SCAND3: variants seen among roughly 807,000 people sequenced by gnomAD.
SCAND3 encodes the protein SCAN domain containing 3, also known as SCAN domain-containing protein 3.
chr6:28,597,926 T>C, the SCAND3 span: 1 of 152,212 alleles, frequency 6.6e-6, no homozygotes, highest in African/African-American at 2.4e-5. Flanking sequence ...GACGCTTTCA[T>C]TTCTCTCTAG....
chr6:28,576,134 A>G, the SCAND3 span: 63 of 1,559,070 alleles, frequency 4.0e-5, no homozygotes, highest in African/African-American at 8.3e-4. Flanking sequence ...CACAAAAATG[A>G]CCCTAAAAAC....
chr6:28,575,864 C>T, the SCAND3 span: 5 of 1,613,940 alleles, frequency 3.1e-6, no homozygotes, highest in Admixed American at 8.3e-5. The surrounding 1 kb of genome is among the most constrained non-coding windows in gnomAD (Gnocchi z 4.2). Context: ...TTTCCTTGTA[C>T]AAGGATAACA....
chr6:28,603,310 T>G, the SCAND3 span, among the ~76,000 whole-genome samples: 4 of 152,228 alleles, frequency 2.6e-5, no homozygotes, highest in Non-Finnish European at 5.9e-5. Flanking sequence ...TAAAGTTTAC[T>G]TTGATGGGTA....
the SCAND3 span, among the ~76,000 whole-genome samples, chr6:28,608,353 CT>C: frequency 6.6e-6 from 1 of 152,154 alleles, no homozygotes; most frequent in Non-Finnish European, 1.5e-5. Flanking sequence ...AACTGACCCC[CT>C]GGCTCCCCAC....
chr6:28,612,902 T>A, the SCAND3 span, among the ~76,000 whole-genome samples: 1 of 152,166 alleles, frequency 6.6e-6, no homozygotes, highest in African/African-American at 2.4e-5. Context: ...GATGTTATCA[T>A]TTCACTTCCA....
the SCAND3 span, chr6:28,575,981 T>C: frequency 6.2e-7 from 1 of 1,613,780 alleles, no homozygotes; most frequent in Non-Finnish European, 8.5e-7. The surrounding 1 kb of genome is among the most constrained non-coding windows in gnomAD (Gnocchi z 4.2). Flanking sequence ...GAAAATATCT[T>C]AGTATTATTA....
At chr6:28,606,947 A>G in the SCAND3 span, among the ~76,000 whole-genome samples, 1 of 152,178 alleles carries the variant, frequency 6.6e-6, no homozygotes, top group Non-Finnish European at 1.5e-5. Context: ...AAGCTGGAAA[A>G]AGCGAGAGAC....
At chr6:28,610,969 C>T in the SCAND3 span, among the ~76,000 whole-genome samples, 1 of 152,110 alleles carries the variant, frequency 6.6e-6, no homozygotes, top group African/African-American at 2.4e-5. Flanking sequence ...ACTGAATACA[C>T]TAAGTATAAT....
At chr6:28,573,833 A>G in the SCAND3 span, 4 of 1,515,686 alleles carry the variant, frequency 2.6e-6, no homozygotes, top group African/African-American at 1.4e-5. Flanking sequence ...GCCATCTGAA[A>G]TTAGGAATAA....
chr6:28,598,639 G>A, the SCAND3 span, among the ~76,000 whole-genome samples: 1 of 151,544 alleles, frequency 6.6e-6, no homozygotes, highest in Non-Finnish European at 1.5e-5. Flanking sequence ...GAGGTCAGGA[G>A]TTCGAGACCA....
chr6:28,607,186 T>G, the SCAND3 span, among the ~76,000 whole-genome samples: 1 of 152,036 alleles, frequency 6.6e-6, no homozygotes, highest in African/African-American at 2.4e-5. Flanking sequence ...GAGCGCGTGC[T>G]TAGCATGTAC....
At chr6:28,588,711 A>G in the SCAND3 span, among the ~76,000 whole-genome samples, 1 of 152,220 alleles carries the variant, frequency 6.6e-6, no homozygotes, top group Non-Finnish European at 1.5e-5. This position sits in a 1 kb window ranked among gnomAD's most constrained non-coding sequence, Gnocchi z 4.1. Flanking sequence ...TCACCAAGTT[A>G]CTGGGCTTTT....
chr6:28,596,486 A>G, the SCAND3 span, among the ~76,000 whole-genome samples: 2 of 152,164 alleles, frequency 1.3e-5, no homozygotes, highest in Non-Finnish European at 2.9e-5. Flanking sequence ...AACAGTGGTT[A>G]TCAGTAAAGA....
At chr6:28,589,729 G>A in the SCAND3 span, 1 of 152,096 alleles carries the variant, frequency 6.6e-6, no homozygotes, top group Non-Finnish European at 1.5e-5. Flanking sequence ...CAATTCCTGT[G>A]ATGGAGACAA....
chr6:28,608,601 A>G, the SCAND3 span, among the ~76,000 whole-genome samples: 1 of 152,248 alleles, frequency 6.6e-6, no homozygotes, highest in Non-Finnish European at 1.5e-5. Flanking sequence ...GATTAAATAC[A>G]TAATATGAGA....
At chr6:28,592,130 C>T in the SCAND3 span, among the ~76,000 whole-genome samples, 1 of 152,112 alleles carries the variant, frequency 6.6e-6, no homozygotes. The surrounding 1 kb of genome is among the most constrained non-coding windows in gnomAD (Gnocchi z 4.1). Flanking sequence ...ACATAAAAGT[C>T]ATCCTAATAG....
chr6:28,580,950 A>G, the SCAND3 span, among the ~76,000 whole-genome samples: 1 of 152,194 alleles, frequency 6.6e-6, no homozygotes, highest in Admixed American at 6.5e-5. Flanking sequence ...TACCTTGGGT[A>G]GTGGTAATAA....
the SCAND3 span, among the ~76,000 whole-genome samples, chr6:28,578,947 G>A: frequency 6.6e-6 from 1 of 152,056 alleles, no homozygotes; most frequent in Non-Finnish European, 1.5e-5. Context: ...AAAAATTGTG[G>A]TCAGAGGCTA....
chr6:28,585,724 A>G, the SCAND3 span, among the ~76,000 whole-genome samples: 1 of 152,344 alleles, frequency 6.6e-6, no homozygotes, highest in Admixed American at 6.5e-5. Flanking sequence ...AATATCCACA[A>G]TGTTCTAAAA....
Sources: gnomAD v4.1 joint callset for allele counts (sites outside exome capture counted in the v4.1 genomes callset) on GRCh38, gnomAD v4.1.1 for gene constraint, Gnocchi (gnomAD v3.1) non-coding constraint, MANE v1.5 for transcripts, NCBI Gene and HGNC (gene_info 2026-07-23, HGNC 2026-07-21) for gene names.